Variants in GNAI2 observed in about 807,000 individuals in gnomAD.
GNAI2 encodes G protein subunit alpha i2.
In GNAI2, 4 loss-of-function variants were observed where a neutral mutation model predicts 36.8. That is an observed-to-expected ratio of 0.11 (90% CI 0.05 to 0.25). The LOEUF is 0.25. Among genes scored for constraint, GNAI2 ranks in the 10% least tolerant of loss-of-function variants. The probability of loss-of-function intolerance (pLI) is 1.00; values close to 1 mark genes in which losing one functional copy is unlikely to be tolerated. For missense variants in GNAI2, 230 were observed against 481.3 expected (o/e 0.48, Z 4.89); for synonymous variants, 194 against 194.1 (o/e 1.00, Z 0.01).
chr3:50,240,324 GGGTCAGAGGGACCAACTCGACAA>G (rs1700271019), intron 1 of GNAI2, among the ~76,000 whole-genome samples: 1 of 152,188 alleles, frequency 6.6e-6, no homozygotes, highest in African/African-American at 2.4e-5. Flanking sequence ...CAGGCACTGG[GGGTCAGAGGGACCAACTCGACAA>G]GAACACTGCA....
Position 50,252,486 on chromosome 3 carries a change from T to C in GNAI2, c.251T>C (p.Ile84Thr), listed in dbSNP as rs1307372138. ...AACACCATCCAGTCCATCATGGCCA[T>C]TGTCAAAGCCATGGGCAACCTGCAG... ...YSNTIQSIMA[I>T]VKAMGNLQID... Residue 84 changes from isoleucine (I) to threonine (T), a missense_variant, in exon 3 of 9, where the codon ATT becomes ACT. Physicochemically the swap from Ile to Thr is moderately conservative, Grantham distance 89. Coordinates refer to ENST00000313601, the MANE Select transcript of GNAI2 (RefSeq NM_002070.4). The surrounding 1 kb of genome is among the most constrained non-coding windows in gnomAD (Gnocchi z 4.1). 1 of 1,613,568 alleles carries C rather than the reference T, an allele frequency of 6.2e-7. No homozygotes were observed. The highest frequency in any genetic ancestry group is 8.5e-7 in the Non-Finnish European group (1 of 1,179,742).
In GNAI2 at chr3:50,251,611, C is replaced by T. The variant is rs139078889; in HGVS notation, c.119-489C>T. The T allele has an allele frequency of 8.3e-4, 1,055 of 1,268,736 alleles. 12 individuals are homozygous for T. The South Asian group carries it at 9.6e-3, about 12-fold the overall frequency. The allele number at this position is 1,268,736 out of a possible 1,614,324, so 78.6% of individuals were successfully genotyped here. ...GAAAGCTGAAGTGTGACGCTGTGCTCCTGCTTAGGCCCCTGGTTGCTAAGG... is the reference window on the plus strand; with the variant it reads ...GAAAGCTGAAGTGTGACGCTGTGCTTCTGCTTAGGCCCCTGGTTGCTAAGG... On this transcript the variant is annotated intron_variant, in intron 1 of 8. Coordinates refer to ENST00000313601, the MANE Select transcript of GNAI2 (RefSeq NM_002070.4).
chr3:50,254,812 C>T (rs948801879), intron 4 of GNAI2, among the ~76,000 whole-genome samples: 5 of 152,356 alleles, frequency 3.3e-5, no homozygotes, highest in Admixed American at 6.5e-5. Flanking sequence ...TGAATACAGG[C>T]CCTGTTCTCC....
At chr3:50,251,922 C>T (rs1418285040) in intron 1 of GNAI2, 178 bp from the exon 2 acceptor site, 1 of 898,994 alleles carries the variant, frequency 1.1e-6, no homozygotes, top group Non-Finnish European at 1.6e-6. Flanking sequence ...CCACTGTGGC[C>T]CTGCCAGCTG....
At chr3:50,243,825 G>C (rs1364314815) in intron 1 of GNAI2, among the ~76,000 whole-genome samples, 1 of 152,144 alleles carries the variant, frequency 6.6e-6, no homozygotes, top group Admixed American at 6.5e-5. Flanking sequence ...GTGCTGGCTG[G>C]AAGTAACGGA....
At position 50,252,668 on chromosome 3, in the gene GNAI2, A is replaced by G. The variant is rs1700591034; in HGVS notation, c.303+130A>G. The G allele has an allele frequency of 2.7e-6, 2 of 742,160 alleles. No individual in the cohort carries two copies. The highest frequency in any genetic ancestry group is 3.5e-5 in the African/African-American group (2 of 56,882). 46.0% of individuals were successfully genotyped at this position (742,160 alleles called of 1,614,324 possible). A position where few individuals can be genotyped will look rare whatever the true frequency, so the allele number is the denominator to read the frequency against. Reference sequence around the variant, plus strand: ...GGGTGGATCACCTGAGGTCAGGACCAGCCTGGCCAACTTGGTGAAACCGCG... The same window carrying G: ...GGGTGGATCACCTGAGGTCAGGACCGGCCTGGCCAACTTGGTGAAACCGCG... On this transcript the variant is annotated intron_variant, in intron 3 of 8. Coordinates refer to ENST00000313601, the MANE Select transcript of GNAI2 (RefSeq NM_002070.4). This position sits in a 1 kb window ranked among gnomAD's most constrained non-coding sequence, Gnocchi z 4.1.
chr3:50,245,930 C>G (rs1559769877), intron 1 of GNAI2, among the ~76,000 whole-genome samples: 2 of 152,238 alleles, frequency 1.3e-5, no homozygotes, highest in South Asian at 4.1e-4. Context: ...CAGCCGAGTG[C>G]CAGAGACTGG....
At chr3:50,233,198 A>G (rs1462436897), upstream of GNAI2, among the ~76,000 whole-genome samples, 2 of 152,072 alleles carry the variant, frequency 1.3e-5, no homozygotes, top group African/African-American at 2.4e-5. Context: ...TGGGAAGAGC[A>G]TAGGACTGGA....
chr3:50,245,481 A>G (rs1553701641), intron 1 of GNAI2, among the ~76,000 whole-genome samples: 1 of 152,202 alleles, frequency 6.6e-6, no homozygotes, highest in Non-Finnish European at 1.5e-5. Flanking sequence ...TATCTTTCCC[A>G]GAGTCCACCG....
Position 50,252,626 on chromosome 3 carries a change from C to T in GNAI2, c.303+88C>T. On this transcript the variant is annotated intron_variant, in intron 3 of 8. Coordinates refer to ENST00000313601, the MANE Select transcript of GNAI2 (RefSeq NM_002070.4). The surrounding 1 kb of genome is among the most constrained non-coding windows in gnomAD (Gnocchi z 4.1). ...TGGCTCATGCCTATAAATCCCAGCA[C>T]TTTGGGACGCCGAGGCGGGTGGATC... 2 of 1,140,296 alleles carry T rather than the reference C, an allele frequency of 1.8e-6. No homozygotes were observed. The highest frequency in any genetic ancestry group is 1.3e-6 in the Non-Finnish European group (1 of 787,566). The allele number at this position is 1,140,296 out of a possible 1,614,324, so 70.6% of individuals were successfully genotyped here. A position where few individuals can be genotyped will look rare whatever the true frequency, so the allele number is the denominator to read the frequency against.
intron 1 of GNAI2, among the ~76,000 whole-genome samples, chr3:50,239,329 T>A (rs1473817850): frequency 1.3e-5 from 2 of 152,212 alleles, no homozygotes; most frequent in African/African-American, 4.8e-5. Context: ...CCTACTTGAT[T>A]GTTCTTTAAA....
chr3:50,241,835 G>A lies in GNAI2; in HGVS notation c.118+5382G>A, dbSNP rs1694709870. 6.6e-6 allele frequency among the ~76,000 whole-genome samples: 1 copy of A among 152,160 alleles called. No homozygotes were observed. Among genetic ancestry groups the A allele is most frequent in the Admixed American group, 6.5e-5 (1 of 15,284 alleles). On this transcript the variant is annotated intron_variant, in intron 1 of 8. Coordinates refer to ENST00000313601, the MANE Select transcript of GNAI2 (RefSeq NM_002070.4). This position sits in a 1 kb window ranked among gnomAD's most constrained non-coding sequence, Gnocchi z 5.0. ...CTTTGGCCCTGGGCAGCTTGTCAGC[G>A]GTTGGCCCTGGGTGGCCTGAGAGGT...
intron 1 of GNAI2, among the ~76,000 whole-genome samples, chr3:50,248,278 C>T (rs778937827): frequency 2.0e-5 from 3 of 152,086 alleles, no homozygotes; most frequent in Admixed American, 6.5e-5. Flanking sequence ...ACTCAGCCAC[C>T]CCTCTGAGAG....
Position 50,255,340 on chromosome 3 carries a change from C to T in GNAI2, c.465-852C>T, listed in dbSNP as rs1230355496. Among the ~76,000 whole-genome samples the T allele has an allele frequency of 2.0e-5, 3 of 152,150 alleles. No individual in the cohort carries two copies. The highest frequency in any genetic ancestry group is 7.2e-5 in the African/African-American group (3 of 41,430). ...ATTAAGGGAACTGGTAATGAGGAGC[C>T]CCTGGGACCCCTGCCAAGCAGGTGT... is the stretch of plus-strand genomic sequence containing the variant. On this transcript the variant is annotated intron_variant, in intron 4 of 8. Transcript: ENST00000313601. The surrounding 1 kb of genome is among the most constrained non-coding windows in gnomAD (Gnocchi z 4.0).
Position 50,258,772 on chromosome 3 carries a change from G to C in GNAI2, c.*429G>C. The C allele has an allele frequency of 2.6e-6, 1 of 379,458 alleles. No homozygotes were observed. The highest frequency in any genetic ancestry group is 7.2e-5 in the East Asian group (1 of 13,958). The allele number at this position is 379,458 out of a possible 1,614,324, so 23.5% of individuals were successfully genotyped here. On this transcript the variant is annotated 3_prime_UTR_variant, in exon 9 of 9. Transcript: ENST00000313601. ...ATGTTTACAGGGAGCCTCCTGCCCA[G>C]TCCCCCAACCCCAGCCGCTCGGAGG...
At chr3:50,240,506 C>T (rs587641338) in intron 1 of GNAI2, among the ~76,000 whole-genome samples, 67 of 152,328 alleles carry the variant, frequency 4.4e-4, no homozygotes, top group Non-Finnish European at 8.2e-4. Flanking sequence ...CTGAGAGACT[C>T]AGCATCAGGT....
chr3:50,233,514 T>C (rs1406782991), upstream of GNAI2, among the ~76,000 whole-genome samples: 6 of 152,178 alleles, frequency 3.9e-5, no homozygotes, highest in African/African-American at 1.4e-4. Flanking sequence ...GGAAGCCAGT[T>C]TGTAGTCTGT....
chr3:50,253,128 T>C lies in GNAI2; in HGVS notation c.408T>C (p.Gly136=), dbSNP rs1700606849. The C allele has an allele frequency of 1.2e-6, 2 of 1,613,508 alleles. No homozygotes were observed. Among genetic ancestry groups the C allele is most frequent in the African/African-American group, 1.3e-5 (1 of 74,892 alleles). Residue 136 remains glycine (G), a synonymous_variant, in exon 4 of 9, where the codon GGT becomes GGC. Transcript: ENST00000313601. This position sits in a 1 kb window ranked among gnomAD's most constrained non-coding sequence, Gnocchi z 4.2. ...GVIRRLWADH[G]VQACFGRSRE... ...TCCGGAGGCTCTGGGCTGACCATGGTGTGCAGGCCTGCTTTGGCCGCTCAA... is the reference window on the plus strand; with the variant it reads ...TCCGGAGGCTCTGGGCTGACCATGGCGTGCAGGCCTGCTTTGGCCGCTCAA...
chr3:50,240,964 C>T (rs1700286952), intron 1 of GNAI2, among the ~76,000 whole-genome samples: 1 of 151,718 alleles, frequency 6.6e-6, no homozygotes, highest in African/African-American at 2.4e-5. Context: ...GATGAGGGAC[C>T]CACTGCTGAG....
Sources: allele counts gnomAD v4.1 joint callset (sites outside exome capture counted in the v4.1 genomes callset), GRCh38; gene constraint gnomAD v4.1.1; non-coding constraint Gnocchi (gnomAD v3.1); transcripts MANE v1.5; gene names NCBI Gene and HGNC (gene_info 2026-07-23, HGNC 2026-07-21).